Variants in HMGCLL1 observed in about 807,000 individuals in gnomAD.
The protein encoded by HMGCLL1 is 3-hydroxymethyl-3-methylglutaryl-CoA lyase, cytoplasmic.
In HMGCLL1, 36 loss-of-function variants were observed where a neutral mutation model predicts 39.1. The observed-to-expected ratio is 0.92, with a 90% CI of 0.71 to 1.22. HMGCLL1 has a LOEUF of 1.22. HMGCLL1 is among the 50% of genes most tolerant of loss of function. HMGCLL1 has a pLI of 0.00. For missense variants in HMGCLL1, 451 were observed against 416.5 expected (o/e 1.08, Z -0.72); for synonymous variants, 149 against 144.0 (o/e 1.03, Z -0.25).
At chr6:55,474,604 C>G (rs145183628) in intron 7 of HMGCLL1, among the ~76,000 whole-genome samples, 1 of 151,616 alleles carries the variant, frequency 6.6e-6, no homozygotes, top group East Asian at 1.9e-4. Flanking sequence ...ATTCCAATAT[C>G]TGTGTCATAT....
chr6:55,659,813 T>C, the HMGCLL1 span, among the ~76,000 whole-genome samples: 3 of 151,880 alleles, frequency 2.0e-5, no homozygotes, highest in Admixed American at 1.3e-4. Context: ...TAATATCCTC[T>C]AAACATAAAG....
chr6:55,555,136 A>G (rs1254782732), intron 1 of HMGCLL1, among the ~76,000 whole-genome samples: 1 of 152,144 alleles, frequency 6.6e-6, no homozygotes, highest in Non-Finnish European at 1.5e-5. Context: ...ATGAACTTAC[A>G]TCTTACCACC....
intron 1 of HMGCLL1, among the ~76,000 whole-genome samples, chr6:55,552,853 T>C (rs1292166931): frequency 1.3e-5 from 2 of 151,846 alleles, no homozygotes; most frequent in Non-Finnish European, 2.9e-5. Context: ...TTAAAAATGA[T>C]GGTATATGCC....
chr6:55,605,783 T>A, the HMGCLL1 span, among the ~76,000 whole-genome samples: 1 of 152,132 alleles, frequency 6.6e-6, no homozygotes, highest in African/African-American at 2.4e-5. Context: ...ACTCTCTAAA[T>A]CACCTTCCCA....
the HMGCLL1 span, among the ~76,000 whole-genome samples, chr6:55,601,015 A>T: frequency 6.6e-6 from 1 of 152,328 alleles, no homozygotes; most frequent in Non-Finnish European, 1.5e-5. Context: ...TCCAATAAAT[A>T]AAAAATAATT....
intron 7 of HMGCLL1, among the ~76,000 whole-genome samples, chr6:55,493,792 G>C (rs1286464300): frequency 6.6e-6 from 1 of 151,470 alleles, no homozygotes; most frequent in Non-Finnish European, 1.5e-5. Flanking sequence ...CAGTGCAGTG[G>C]TACGATCTCG....
chr6:55,521,813 C>G (rs1768055857), intron 3 of HMGCLL1, among the ~76,000 whole-genome samples: 1 of 151,956 alleles, frequency 6.6e-6, no homozygotes, highest in African/African-American at 2.4e-5. Context: ...GAAAGGAAGA[C>G]TCACATATCT....
At chr6:55,605,227 C>T in the HMGCLL1 span, among the ~76,000 whole-genome samples, 1 of 152,166 alleles carries the variant, frequency 6.6e-6, no homozygotes, top group Admixed American at 6.5e-5. Flanking sequence ...GATGGGCTAA[C>T]TCTGCCTGTC....
chr6:55,598,478 C>T, the HMGCLL1 span, among the ~76,000 whole-genome samples: 3 of 152,084 alleles, frequency 2.0e-5, no homozygotes, highest in African/African-American at 7.2e-5. Context: ...GAAACTCAAC[C>T]AGTCAATAGC....
the HMGCLL1 span, among the ~76,000 whole-genome samples, chr6:55,661,630 T>C: frequency 6.6e-5 from 10 of 152,078 alleles, no homozygotes; most frequent in African/African-American, 2.4e-4. Context: ...TAGTATAGTT[T>C]AAAGTCATGT....
chr6:55,514,188 A>T lies in HMGCLL1; in HGVS notation c.402T>A (p.Ala134=), dbSNP rs1767616038. The part of the protein sequence containing the change: ...NLQGFHHAVA[A]GATEISVFGA... Reference sequence around the variant, plus strand: ...CAAAAACTGATATCTCAGTAGCTCCAGCAGCAACCTGAAAAATATATAATT... The same window carrying T: ...CAAAAACTGATATCTCAGTAGCTCCTGCAGCAACCTGAAAAATATATAATT... Residue 134 remains alanine, a synonymous_variant, in exon 5 of 9, where the codon GCT becomes GCA. Coordinates refer to ENST00000274901, the MANE Select transcript of HMGCLL1 (RefSeq NM_001042406.2). 6.3e-7 allele frequency: 1 copy of T among 1,599,338 alleles called. No individual in the cohort carries two copies. The highest frequency in any genetic ancestry group is 8.5e-7 in the Non-Finnish European group (1 of 1,175,906).
At chr6:55,502,260 A>G (rs1003929517) in intron 5 of HMGCLL1, among the ~76,000 whole-genome samples, 1 of 151,674 alleles carries the variant, frequency 6.6e-6, no homozygotes, top group Non-Finnish European at 1.5e-5. Flanking sequence ...TTTACTGTCA[A>G]GCTAATTCTT....
At chr6:55,628,566 A>G in the HMGCLL1 span, among the ~76,000 whole-genome samples, 1 of 151,868 alleles carries the variant, frequency 6.6e-6, no homozygotes, top group Non-Finnish European at 1.5e-5. Flanking sequence ...GGCCTCTTTC[A>G]GCCCTTTAAA....
chr6:55,608,806 G>A, the HMGCLL1 span, among the ~76,000 whole-genome samples: 1 of 152,230 alleles, frequency 6.6e-6, no homozygotes, highest in Non-Finnish European at 1.5e-5. Context: ...CCAACTAGCA[G>A]CAGCGTGATG....
At chr6:55,595,808 A>G in the HMGCLL1 span, among the ~76,000 whole-genome samples, 54 of 152,334 alleles carry the variant, frequency 3.5e-4, no homozygotes, top group Admixed American at 1.3e-3. Context: ...AATTTTATAT[A>G]CTAGGAAATA....
rs186505616 is a variant in HMGCLL1, at chr6:55,470,268, G to A, written c.795+25151C>T. Among the ~76,000 whole-genome samples, 15 of 151,864 alleles carry A rather than the reference G, an allele frequency of 9.9e-5. 1 individual carries two copies. The highest frequency in any genetic ancestry group is 5.8e-4 in the East Asian group (3 of 5,164). ...GTACAGGGTTTCATTTCCACTGTAC[G>A]TTTCCGGTCTCTGGTTACAGAAACA... On this transcript the variant is annotated intron_variant, in intron 7 of 8. Coordinates refer to ENST00000274901, the MANE Select transcript of HMGCLL1 (RefSeq NM_001042406.2).
At chr6:55,463,481 ACT>A (rs201557392) in intron 7 of HMGCLL1, among the ~76,000 whole-genome samples, 2,228 of 152,222 alleles carry the variant, frequency 0.015, 32 homozygotes, top group Non-Finnish European at 0.025. Context: ...TTTCTTTAGA[ACT>A]CTCTACTAAA....
chr6:55,628,397 G>T, the HMGCLL1 span, among the ~76,000 whole-genome samples: 1 of 150,174 alleles, frequency 6.7e-6, no homozygotes, highest in South Asian at 2.1e-4. Flanking sequence ...AGTCTCCTGG[G>T]TTCAAACAAT....
chr6:55,435,675 G>A lies in HMGCLL1; in HGVS notation c.1010C>T (p.Ser337Phe), dbSNP rs373359419. 4 of 1,588,668 alleles carry A rather than the reference G, an allele frequency of 2.5e-6. No homozygotes were observed. Among genetic ancestry groups the A allele is most frequent in the Non-Finnish European group, 3.4e-6 (4 of 1,162,838 alleles). Residue 337 changes from serine to phenylalanine, a missense_variant, in exon 9 of 9, where the codon TCC becomes TTC. Physicochemically the swap from Ser to Phe is radical, Grantham distance 155 (BLOSUM62 -2). Coordinates refer to ENST00000274901, the MANE Select transcript of HMGCLL1 (RefSeq NM_001042406.2). ...KTTNSKVAQA[S>F]FNA ...AATCCATTCAAGTCAAGCATTGAAGGAGGCTTGTGCTACTTTAGAGTTTGT... is the reference window on the plus strand; with the variant it reads ...AATCCATTCAAGTCAAGCATTGAAGAAGGCTTGTGCTACTTTAGAGTTTGT...
Sources: gnomAD v4.1 joint callset for allele counts (sites outside exome capture counted in the v4.1 genomes callset) on GRCh38, gnomAD v4.1.1 for gene constraint, MANE v1.5 for transcripts, NCBI Gene and HGNC (gene_info 2026-07-23, HGNC 2026-07-21) for gene names.